The following ANK3 variants were observed in gnomAD, a reference collection of about 807,000 sequenced individuals.
The protein encoded by ANK3 is ankyrin 3.
Under a neutral mutation model 370.9 loss-of-function variants are expected in ANK3, and 57 were observed. The ratio of observed to expected loss-of-function variants is 0.15; its 90% CI spans 0.12 to 0.19. The LOEUF is 0.19. Ranked by LOEUF, ANK3 falls within the 10% of genes least tolerant of loss-of-function variation. The pLI is 1.00. For missense variants in ANK3, 4,439 were observed against 5,302.1 expected (o/e 0.84, Z 5.06); for synonymous variants, 1,929 against 1,946.3 (o/e 0.99, Z 0.23).
chr10:60,284,798 G>T (rs1412074878), intron 1 of ANK3, among the ~76,000 whole-genome samples: 4 of 151,782 alleles, frequency 2.6e-5, no homozygotes, highest in Non-Finnish European at 5.9e-5. Flanking sequence ...ACTTTTCTGG[G>T]GGGCGGGGGC....
chr10:60,540,110 G>A (rs899979367), intron 2 of ANK3, among the ~76,000 whole-genome samples: 6 of 151,820 alleles, frequency 4.0e-5, no homozygotes, highest in Non-Finnish European at 8.8e-5. Context: ...ACTATACCAG[G>A]AGTGAACACA....
intron 1 of ANK3, among the ~76,000 whole-genome samples, chr10:60,641,073 G>A (rs925190873): frequency 6.6e-6 from 1 of 150,812 alleles, no homozygotes; most frequent in Non-Finnish European, 1.5e-5. Flanking sequence ...CAACTTACAA[G>A]GGATGTGAAG....
chr10:60,459,433 G>A (rs1171017763), intron 2 of ANK3, among the ~76,000 whole-genome samples: 2 of 152,126 alleles, frequency 1.3e-5, no homozygotes, highest in African/African-American at 4.8e-5. Flanking sequence ...ATGTGGTGAG[G>A]CACTCTGGAC....
At chr10:60,217,467 T>C (rs559213446) in intron 8 of ANK3, among the ~76,000 whole-genome samples, 1 of 152,302 alleles carries the variant, frequency 6.6e-6, no homozygotes, top group African/African-American at 2.4e-5. Context: ...CTCTCTGTTC[T>C]CATTGGTTTC....
rs1361357707 is a variant in ANK3 at position 60,186,762 on chromosome 10, C to G, written c.2038G>C (p.Val680Leu). ...GCATTTCTACCGAGGAGCAGCGACA[C>G]CATGTCCACGTGCCCTTCCTGAGCT... is the stretch of plus-strand genomic sequence containing the variant. ...LAAQEGHVDMVSLLLGRNANV... is the reference protein window; with the variant it reads ...LAAQEGHVDMLSLLLGRNANV... The change falls in exon 17 of 44, where the codon GTG (valine) becomes CTG (leucine). Residue 680 changes from valine to leucine, a missense_variant. This residue lies in a region of ANK3 where 192 missense variants were observed against 192.1 expected (regional missense o/e 1.00). Transcript: ENST00000280772. 6.2e-7 allele frequency: 1 copy of G among 1,614,018 alleles called. No individual in the cohort carries two copies. The highest frequency in any genetic ancestry group is 2.2e-5 in the East Asian group (1 of 44,882).
In ANK3 at chr10:60,350,600, T is replaced by C. The variant is rs189135297; in HGVS notation, c.114+38825A>G. Among the ~76,000 whole-genome samples the C allele has an allele frequency of 7.2e-5, 11 of 152,322 alleles. No homozygotes were observed. In the East Asian group the frequency reaches 1.9e-3, roughly 27 times the overall value. Reference sequence around the variant, plus strand: ...AGACTCAAAAATCTAACCAAGAGATTCTCTTAAACCTCAGCTCTAATCGCT... The same window carrying C: ...AGACTCAAAAATCTAACCAAGAGATCCTCTTAAACCTCAGCTCTAATCGCT... On this transcript the variant is annotated intron_variant, in intron 1 of 43. Transcript: ENST00000280772.
At chr10:60,526,381 C>T (rs935474885) in intron 2 of ANK3, among the ~76,000 whole-genome samples, 4 of 152,058 alleles carry the variant, frequency 2.6e-5, no homozygotes, top group South Asian at 2.1e-4. Context: ...TCAGCTGAGG[C>T]GATTATAAAA....
intron 23 of ANK3, among the ~76,000 whole-genome samples, chr10:60,143,765 G>A (rs907832446): frequency 2.0e-5 from 3 of 152,110 alleles, no homozygotes; most frequent in Non-Finnish European, 4.4e-5. Context: ...AGTAAAATTT[G>A]GCAAAGTGAT....
intron 18 of ANK3, among the ~76,000 whole-genome samples, 191 bp downstream of exon 18, chr10:60,181,138 G>A (rs559483809): frequency 9.2e-5 from 14 of 152,244 alleles, no homozygotes; most frequent in Admixed American, 4.6e-4. Flanking sequence ...TACCCAGGCC[G>A]TTAAAGACAA....
At chr10:60,029,875 CTTTTTTTTTTTTTTTTT>C (rs71015756) in intron 43 of ANK3, 49 bp from the exon 44 acceptor site, 3 of 68,652 alleles carry the variant, frequency 4.4e-5, no homozygotes, top group African/African-American at 2.0e-4. Context: ...TTTTCTTTTT[CTTTTTTTTTTTTTTTTT>C]TTTTTTTTTT....
chr10:60,463,057 C>T lies in ANK3; in HGVS notation c.96+152129G>A, dbSNP rs544069338. On this transcript the variant is annotated intron_variant, in intron 2 of 43. Coordinates refer to the ANK3 transcript ENST00000373827. Reference sequence around the variant, plus strand: ...TAGCTGGGACTACAGGCTTGTGCCACCATGTTCAACTAATTTTTGTATTTT... The same window carrying T: ...TAGCTGGGACTACAGGCTTGTGCCATCATGTTCAACTAATTTTTGTATTTT... 3.9e-5 allele frequency among the ~76,000 whole-genome samples: 6 copies of T among 152,124 alleles called. No homozygotes were observed. The South Asian group carries it at 1.2e-3, about 32-fold the overall frequency.
At chr10:60,372,298 G>A (rs1233866304) in intron 1 of ANK3, among the ~76,000 whole-genome samples, 7 of 152,144 alleles carry the variant, frequency 4.6e-5, no homozygotes, top group Admixed American at 3.9e-4. Flanking sequence ...AACTGTGGAT[G>A]TACTACATCA....
intron 1 of ANK3, among the ~76,000 whole-genome samples, chr10:60,356,307 A>T (rs2057733205): frequency 6.6e-6 from 1 of 152,200 alleles, no homozygotes; most frequent in African/African-American, 2.4e-5. Context: ...GGAGCTGAGA[A>T]CTGCCTCTGT....
At chr10:60,269,654 C>T (rs886311811) in intron 5 of ANK3, among the ~76,000 whole-genome samples, 4 of 145,630 alleles carry the variant, frequency 2.7e-5, no homozygotes, top group South Asian at 2.3e-4. Context: ...CCCCTCCCCC[C>T]CCCCAAAAAA....
At chr10:60,123,560 G>A (rs374960834) in intron 25 of ANK3, among the ~76,000 whole-genome samples, 3 of 152,174 alleles carry the variant, frequency 2.0e-5, no homozygotes, top group African/African-American at 4.8e-5. Context: ...AATTCTCTAC[G>A]TTGCTGACTG....
chr10:60,111,132 G>A (rs10994203), intron 26 of ANK3, among the ~76,000 whole-genome samples: 2,045 of 152,298 alleles, frequency 0.013, 46 homozygotes, highest in African/African-American at 0.047. Context: ...GGATAGATAG[G>A]TAGATAGCTG....
At chr10:60,435,912 C>T (rs1366774072) in intron 2 of ANK3, among the ~76,000 whole-genome samples, 1 of 152,058 alleles carries the variant, frequency 6.6e-6, no homozygotes, top group African/African-American at 2.4e-5. Flanking sequence ...GCGGTGAAAC[C>T]CCGTCTCTAC....
At chr10:60,226,636 T>A (rs2097168154) in intron 8 of ANK3, among the ~76,000 whole-genome samples, 1 of 95,150 alleles carries the variant, frequency 1.1e-5, no homozygotes, top group African/African-American at 3.2e-5. Context: ...ATATTATATA[T>A]AGTATAGATA....
intron 1 of ANK3, among the ~76,000 whole-genome samples, chr10:60,370,354 G>A (rs932009843): frequency 3.3e-5 from 5 of 151,974 alleles, no homozygotes; most frequent in Non-Finnish European, 7.4e-5. Flanking sequence ...AAAAAGAAAT[G>A]GATTATATTA....
Sources: gnomAD v4.1 joint callset for allele counts (sites outside exome capture counted in the v4.1 genomes callset) on GRCh38, gnomAD v4.1.1 for gene constraint, gnomAD v4.1.1 regional missense constraint, MANE v1.5 for transcripts, NCBI Gene and HGNC (gene_info 2026-07-23, HGNC 2026-07-21) for gene names.